Variants in PHACTR4 observed in about 807,000 individuals in gnomAD.
The protein encoded by PHACTR4 is phosphatase and actin regulator 4, also known as protein phosphatase 1, regulatory subunit 124.
In PHACTR4, 51 loss-of-function variants were observed where a neutral mutation model predicts 72.7. The observed-to-expected ratio is 0.70, with a 90% CI of 0.56 to 0.89. The LOEUF (loss-of-function observed/expected upper bound fraction) is 0.89, where lower values mean the gene tolerates loss of function less well. PHACTR4 is among the 40% of genes least tolerant of loss of function. PHACTR4 has a pLI of 0.00. For missense variants in PHACTR4, 731 were observed against 861.8 expected, an observed-to-expected ratio of 0.85 and a Z score of 1.90; for synonymous variants, 255 against 302.5, an observed-to-expected ratio of 0.84 and a Z score of 1.63.
chr1:28,385,590 A>G (rs1389892707), intron 1 of PHACTR4, among the ~76,000 whole-genome samples: 1 of 145,856 alleles, frequency 6.9e-6, no homozygotes, highest in Non-Finnish European at 1.5e-5. Flanking sequence ...TTCAATTTCC[A>G]TGTAATTGTA....
chr1:28,467,538 G>A (rs762142937), intron 6 of PHACTR4, among the ~76,000 whole-genome samples: 31 of 152,166 alleles, frequency 2.0e-4, no homozygotes, highest in Non-Finnish European at 3.1e-4. Context: ...CTTTTCAAAT[G>A]AAAATTTTTA....
At chr1:28,413,864 C>G (rs1179154011) in intron 2 of PHACTR4, among the ~76,000 whole-genome samples, 2 of 152,132 alleles carry the variant, frequency 1.3e-5, no homozygotes, top group Non-Finnish European at 2.9e-5. Flanking sequence ...AATGTATAGG[C>G]AGGTTGCCTT....
intron 1 of PHACTR4, among the ~76,000 whole-genome samples, chr1:28,390,379 A>G (rs1652915680): frequency 1.3e-5 from 2 of 152,232 alleles, no homozygotes; most frequent in South Asian, 4.1e-4. Context: ...CAATTCTCAT[A>G]TACCTATATT....
rs763694229 is a variant in PHACTR4 at position 28,460,276 on chromosome 1, G to A, written c.255G>A (p.Leu85=). 2 of 1,613,286 alleles carry A rather than the reference G, an allele frequency of 1.2e-6. No individual in the cohort carries two copies. The highest frequency in any genetic ancestry group is 1.7e-6 in the Non-Finnish European group (2 of 1,179,420). Residue 85 remains leucine (L), a synonymous_variant, in exon 4 of 14, where the codon TTG becomes TTA. Transcript: ENST00000373839. ...AGCTGGTTAAAAGAGGGGTTCTGTT[G>A]GAAGACCCTGAGCAAGGTGAGTTTA... The part of the protein sequence containing the change: ...REELVKRGVL[L]EDPEQGGEDP...
At chr1:28,401,318 TTTG>T (rs1467648417) in intron 1 of PHACTR4, among the ~76,000 whole-genome samples, 33 of 144,454 alleles carry the variant, frequency 2.3e-4, no homozygotes, top group African/African-American at 7.9e-4. Flanking sequence ...TTTTTTTTTT[TTTG>T]GGGGGGATGG....
rs1247542812 is a variant in PHACTR4 at position 28,459,100 on chromosome 1, C to T, written c.32C>T (p.Pro11Leu). 2.5e-6 allele frequency: 4 copies of T among 1,610,708 alleles called. No homozygotes were observed. Among genetic ancestry groups the T allele is most frequent in the African/African-American group, 1.3e-5 (1 of 74,700 alleles). The change falls in exon 3 of 14, where the codon CCC becomes CTC. Residue 11 changes from proline (P) to leucine (L), a missense_variant. This residue lies in a region of PHACTR4 where 621 missense variants were observed against 676.6 expected (regional missense o/e 0.92). Transcript: ENST00000373839. Reference protein sequence around the residue: MEDPFEEADQPTTEPGMVLDS... With the variant: MEDPFEEADQLTTEPGMVLDS... Reference sequence around the variant, plus strand: ...CATGTAACAGAGGAAGCAGACCAGCCCACTACAGAGCCAGGCATGGTCCTG... The same window carrying T: ...CATGTAACAGAGGAAGCAGACCAGCTCACTACAGAGCCAGGCATGGTCCTG...
At chr1:28,449,852 A>T (rs79228258) in intron 2 of PHACTR4, among the ~76,000 whole-genome samples, 3 of 121,142 alleles carry the variant, frequency 2.5e-5, no homozygotes, top group Admixed American at 1.5e-4. Flanking sequence ...ACTCTGTATA[A>T]AAAAAAAAAA....
chr1:28,377,405 ATTT>A (rs1192491154), intron 1 of PHACTR4, among the ~76,000 whole-genome samples: 1 of 142,374 alleles, frequency 7.0e-6, no homozygotes, highest in African/African-American at 2.6e-5. Context: ...TGCCCTGCTA[ATTT>A]TTTTTTTTTT....
chr1:28,476,441 C>A, intron 8 of PHACTR4, 150 bp downstream of exon 8: 2 of 683,972 alleles, frequency 2.9e-6, no homozygotes, highest in Non-Finnish European at 4.5e-6. Flanking sequence ...CTGTGAAGGA[C>A]TCCTTGTCCC....
intron 9 of PHACTR4, among the ~76,000 whole-genome samples, chr1:28,488,445 C>A (rs1351845829): frequency 1.3e-5 from 2 of 152,046 alleles, no homozygotes; most frequent in African/African-American, 4.8e-5. Context: ...TGTAGTGAGC[C>A]GAGATTGCAC....
At chr1:28,414,184 T>C (rs1198533376) in intron 2 of PHACTR4, among the ~76,000 whole-genome samples, 1 of 152,050 alleles carries the variant, frequency 6.6e-6, no homozygotes, top group East Asian at 1.9e-4. Context: ...CAAATGATTC[T>C]CCTGGCCTCA....
chr1:28,382,599 G>A (rs369896047), intron 1 of PHACTR4, among the ~76,000 whole-genome samples: 19 of 152,132 alleles, frequency 1.2e-4, no homozygotes, highest in East Asian at 1.2e-3. Context: ...CACCGCGCCC[G>A]GCCTATCATG....
At chr1:28,400,877 G>A (rs961381193) in intron 1 of PHACTR4, among the ~76,000 whole-genome samples, 1 of 152,178 alleles carries the variant, frequency 6.6e-6, no homozygotes, top group African/African-American at 2.4e-5. Context: ...ACCACGCCCG[G>A]CCTGAGTGAA....
rs935418584 is a variant in PHACTR4, at chr1:28,498,568, T to C, written c.*2019T>C. The stretch of plus-strand genomic sequence containing the variant: ...TTTGCTTTAATTCCTATCCACACTA[T>C]AAATGGAAGAAAAAAATTAATAGCT... On this transcript the variant is annotated 3_prime_UTR_variant, in exon 14 of 14. Coordinates refer to ENST00000373839, the MANE Select transcript of PHACTR4 (RefSeq NM_001048183.3). The C allele has an allele frequency of 6.6e-6, 1 of 152,230 alleles. No homozygotes were observed. The highest frequency in any genetic ancestry group is 2.4e-5 in the African/African-American group (1 of 41,470). 9.4% of individuals were successfully genotyped at this position (152,230 alleles called of 1,614,324 possible).
At chr1:28,372,042 C>T (rs12080385) in intron 1 of PHACTR4, among the ~76,000 whole-genome samples, 57,557 of 150,644 alleles carry the variant, frequency 0.38, 12,666 homozygotes, top group African/African-American at 0.6. Flanking sequence ...CCACCACTCC[C>T]GGCTAATTTT....
intron 1 of PHACTR4, among the ~76,000 whole-genome samples, chr1:28,397,946 C>G (rs1464263747): frequency 1.3e-5 from 2 of 151,846 alleles, no homozygotes; most frequent in African/African-American, 2.4e-5. Flanking sequence ...ATCTCCTGAC[C>G]TCATGATCCG....
intron 2 of PHACTR4, among the ~76,000 whole-genome samples, chr1:28,455,131 A>C (rs2124455897): frequency 6.6e-6 from 1 of 150,756 alleles, no homozygotes; most frequent in South Asian, 2.1e-4. Flanking sequence ...CGGCCTCCCA[A>C]AGTGTTGGGA....
At chr1:28,493,445 G>A (rs1328597475) in intron 13 of PHACTR4, among the ~76,000 whole-genome samples, 1 of 151,908 alleles carries the variant, frequency 6.6e-6, no homozygotes, top group Non-Finnish European at 1.5e-5. Context: ...GGATGATGCG[G>A]GAGAATCACT....
intron 4 of PHACTR4, among the ~76,000 whole-genome samples, chr1:28,465,286 C>A (rs1659070983): frequency 6.6e-6 from 1 of 152,006 alleles, no homozygotes; most frequent in Non-Finnish European, 1.5e-5. Context: ...ACGGTGAAAC[C>A]CCGTCTCCAC....
Sources: allele counts gnomAD v4.1 joint callset (sites outside exome capture counted in the v4.1 genomes callset), GRCh38; gene constraint gnomAD v4.1.1; regional missense constraint gnomAD v4.1.1; transcripts MANE v1.5; gene names NCBI Gene and HGNC (gene_info 2026-07-23, HGNC 2026-07-21).